DHX57: variants seen among roughly 807,000 people sequenced by gnomAD.
DHX57 encodes the protein putative ATP-dependent RNA helicase DHX57.
DHX57 carries 105 observed loss-of-function variants against 156.2 expected under a neutral mutation model. The observed-to-expected ratio is 0.67, with a 90% CI of 0.57 to 0.79. The LOEUF (loss-of-function observed/expected upper bound fraction) is 0.79. DHX57 is among the 30% of genes least tolerant of loss of function. DHX57 has a pLI of 0.00. For missense variants in DHX57, 1,847 were observed against 1,661.9 expected (o/e 1.11, Z -1.94); for synonymous variants, 704 against 595.6 (o/e 1.18, Z -2.65).
At chr2:38,827,521 TATATATATATATAC>T (rs1671157884) in intron 14 of DHX57, among the ~76,000 whole-genome samples, 1 of 17,252 alleles carries the variant, frequency 5.8e-5, no homozygotes, top group African/African-American at 6.8e-5. Context: ...TATATATATA[TATATATATATATAC>T]ACACATACAT....
At chr2:38,814,621 A>G (rs1455511150) in intron 20 of DHX57, among the ~76,000 whole-genome samples, 2 of 152,186 alleles carry the variant, frequency 1.3e-5, no homozygotes, top group Non-Finnish European at 2.9e-5. Context: ...TGCTGGCCTG[A>G]TTTGAGAAAA....
intron 9 of DHX57, among the ~76,000 whole-genome samples, chr2:38,852,440 T>G (rs1330298907): frequency 6.6e-6 from 1 of 151,744 alleles, no homozygotes; most frequent in Non-Finnish European, 1.5e-5. Context: ...AGATATTTAT[T>G]GTGGTACAAT....
At chr2:38,835,768 C>T (rs1187877982) in intron 13 of DHX57, among the ~76,000 whole-genome samples, 1 of 152,140 alleles carries the variant, frequency 6.6e-6, no homozygotes, top group Non-Finnish European at 1.5e-5. Flanking sequence ...AGCCATCAAG[C>T]CTAAAACGAT....
At chr2:38,825,756 A>G (rs1210001830) in intron 16 of DHX57, 91 bp downstream of exon 16, 10 of 1,335,020 alleles carry the variant, frequency 7.5e-6, no homozygotes, top group African/African-American at 7.3e-5. Context: ...TTAGCCAAAT[A>G]TCTTCTAGAA....
At chr2:38,867,910 T>C (rs763861389) in intron 2 of DHX57, among the ~76,000 whole-genome samples, 3 of 152,188 alleles carry the variant, frequency 2.0e-5, no homozygotes, top group Non-Finnish European at 2.9e-5. Flanking sequence ...GCATAAGGAA[T>C]ACTTAAAATA....
At chr2:38,805,563 G>T (rs1669897471) in intron 22 of DHX57, among the ~76,000 whole-genome samples, 1 of 152,130 alleles carries the variant, frequency 6.6e-6, no homozygotes, top group Admixed American at 6.6e-5. Flanking sequence ...GTGGCAGTGG[G>T]GATAAAAGGC....
chr2:38,810,890 C>T (rs934882556), intron 21 of DHX57: 13 of 770,012 alleles, frequency 1.7e-5, no homozygotes, highest in African/African-American at 1.0e-4. Flanking sequence ...ATATGGCCCA[C>T]GCTGTGCTTG....
rs1246562522 is a variant in DHX57, at chr2:38,825,861, T to G, written c.3000A>C (p.Glu1000Asp). 7 of 1,614,194 alleles carry G rather than the reference T, an allele frequency of 4.3e-6. No homozygotes were observed. The highest frequency in any genetic ancestry group is 5.9e-6 in the Non-Finnish European group (7 of 1,180,022). The change falls in exon 16 of 24, where the codon GAA becomes GAC. Residue 1000 changes from glutamate to aspartate, a missense_variant. Physicochemically the swap from Glu to Asp is conservative, Grantham distance 45. Coordinates refer to ENST00000457308, the MANE Select transcript of DHX57 (RefSeq NM_198963.3). ...QLPEIQRVPL[E>D]QLCLRIKILE... ...CCAGATGTCACCTTAGACACAGCTG[T>G]TCCAATGGCACTCTTTGTATTTCTG...
intron 10 of DHX57, among the ~76,000 whole-genome samples, chr2:38,848,022 G>A (rs536702934): frequency 1.3e-5 from 2 of 151,976 alleles, no homozygotes; most frequent in Admixed American, 6.6e-5. Flanking sequence ...GGCAGAGGTT[G>A]CAGTGAGCCG....
chr2:38,813,762 C>T (rs374656593), intron 21 of DHX57, 59 bp downstream of exon 21: 7 of 1,574,290 alleles, frequency 4.4e-6, no homozygotes, highest in Middle Eastern at 1.7e-4. Context: ...TCTTAACTTA[C>T]ATCACTTGGC....
intron 22 of DHX57, among the ~76,000 whole-genome samples, chr2:38,806,215 G>C (rs1156372351): frequency 6.6e-6 from 1 of 152,172 alleles, no homozygotes; most frequent in African/African-American, 2.4e-5. Context: ...GGCAGGCTGA[G>C]AGCTGAGGAA....
intron 9 of DHX57, chr2:38,853,423 A>G (rs543586999): frequency 6.6e-6 from 1 of 152,112 alleles, no homozygotes; most frequent in Non-Finnish European, 1.5e-5. Flanking sequence ...GCGCCCGGCC[A>G]TACTTCAGTT....
chr2:38,875,285 G>T (rs1665555146), intron 1 of DHX57, among the ~76,000 whole-genome samples: 1 of 152,184 alleles, frequency 6.6e-6, no homozygotes, highest in South Asian at 2.1e-4. Context: ...GGCTGTAAGA[G>T]TATTCTTTGT....
chr2:38,851,397 T>A (rs1358598049), intron 9 of DHX57, among the ~76,000 whole-genome samples: 3 of 152,238 alleles, frequency 2.0e-5, no homozygotes, highest in Non-Finnish European at 4.4e-5. Flanking sequence ...ATTCAACCTT[T>A]AATCTTGCCA....
chr2:38,868,947 G>A (rs750686508), intron 1 of DHX57, among the ~76,000 whole-genome samples: 2 of 152,006 alleles, frequency 1.3e-5, no homozygotes, highest in Non-Finnish European at 2.9e-5. Context: ...GACTACAGGC[G>A]CCTGCCACCA....
chr2:38,839,647 G>C (rs1671873847), intron 12 of DHX57, among the ~76,000 whole-genome samples: 1 of 151,906 alleles, frequency 6.6e-6, no homozygotes, highest in Non-Finnish European at 1.5e-5. Flanking sequence ...CTTGAACCCA[G>C]GAGGCGGAGG....
At chr2:38,837,609 C>A (rs1285087611) in intron 13 of DHX57, among the ~76,000 whole-genome samples, 1 of 2,646 alleles carries the variant, frequency 3.8e-4, no homozygotes, top group African/African-American at 3.9e-4. Context: ...AAAACCCCGT[C>A]TCAAAAAAAA....
chr2:38,828,932 CT>C (rs1392568290), intron 13 of DHX57, among the ~76,000 whole-genome samples: 1 of 151,976 alleles, frequency 6.6e-6, no homozygotes, highest in East Asian at 1.9e-4. Context: ...TAGCTAAGCT[CT>C]TTTTTTATTT....
At chr2:38,859,505 T>C (rs1302925311) in intron 5 of DHX57, among the ~76,000 whole-genome samples, 1 of 152,204 alleles carries the variant, frequency 6.6e-6, no homozygotes, top group Non-Finnish European at 1.5e-5. Context: ...AACCATTGAA[T>C]TGTGTATTTT....
Sources: gnomAD v4.1 joint callset for allele counts (sites outside exome capture counted in the v4.1 genomes callset) on GRCh38, gnomAD v4.1.1 for gene constraint, MANE v1.5 for transcripts, NCBI Gene and HGNC (gene_info 2026-07-23, HGNC 2026-07-21) for gene names.